The following UNC80 variants were observed in gnomAD, a reference collection of about 807,000 sequenced individuals.
The protein encoded by UNC80 is protein unc-80 homolog.
In UNC80, 164 loss-of-function variants were observed where a neutral mutation model predicts 384.6. The ratio of observed to expected loss-of-function variants is 0.43; its 90% CI spans 0.38 to 0.49. The LOEUF is 0.49. Among genes scored for constraint, UNC80 ranks in the 20% least tolerant of loss-of-function variants. The pLI, the probability that UNC80 is intolerant of heterozygous loss-of-function variation, is 0.00. For missense variants in UNC80, 3,330 were observed against 4,143.0 expected, an observed-to-expected ratio of 0.80 and a Z score of 5.39; for synonymous variants, 1,486 against 1,527.8, an observed-to-expected ratio of 0.97 and a Z score of 0.64.
At chr2:209,775,184 T>G (rs1418197810) in intron 2 of UNC80, among the ~76,000 whole-genome samples, 2 of 152,186 alleles carry the variant, frequency 1.3e-5, no homozygotes, top group African/African-American at 4.8e-5. Flanking sequence ...TTGTTACTTG[T>G]TCCGGAGTGC....
At position 209,881,241 on chromosome 2, in the gene UNC80, A is replaced by G. The variant is rs989274629; in HGVS notation, c.4110+147A>G. 4.4e-6 allele frequency: 4 copies of G among 914,934 alleles called. No individual in the cohort carries two copies. The South Asian group carries it at 6.2e-5, about 14-fold the overall frequency. 56.7% of individuals were successfully genotyped at this position (914,934 alleles called of 1,614,324 possible). On this transcript the variant is annotated intron_variant, in intron 25 of 64. Coordinates refer to ENST00000673920, the MANE Select transcript of UNC80 (RefSeq NM_001371986.1). ...ATTCAACCAAGGGATTTTGAAACATAAAAAGAAATGCTCTTTTCCTCATTA... is the reference window on the plus strand; with the variant it reads ...ATTCAACCAAGGGATTTTGAAACATGAAAAGAAATGCTCTTTTCCTCATTA...
chr2:209,915,383 C>T (rs1229897699), intron 31 of UNC80, among the ~76,000 whole-genome samples: 4 of 130,472 alleles, frequency 3.1e-5, no homozygotes, highest in African/African-American at 9.0e-5. Context: ...CCAGCCTGGG[C>T]GACAGAGTGA....
chr2:209,815,891 A>G (rs1489077085), intron 9 of UNC80, among the ~76,000 whole-genome samples: 1 of 152,228 alleles, frequency 6.6e-6, no homozygotes, highest in African/African-American at 2.4e-5. Flanking sequence ...TTTTTCTGCC[A>G]TTACTCTGCC....
chr2:209,982,215 A>C lies in UNC80; in HGVS notation c.9155A>C (p.Gln3052Pro). ...AGCATGCCCAGCGTGGTAAGTGAAC[A>C]AGAAGCTTACCTCCTGAGTGCCATT... is the stretch of plus-strand genomic sequence containing the variant. ...SISMPSVVSE[Q>P]EAYLLSAIGR... The change falls in exon 60 of 65, where the codon CAA (glutamine) becomes CCA (proline). Residue 3052 changes from glutamine (Q) to proline (P), a missense_variant. Coordinates refer to ENST00000673920, the MANE Select transcript of UNC80 (RefSeq NM_001371986.1). The C allele has an allele frequency of 6.4e-7, 1 of 1,551,648 alleles. No individual in the cohort carries two copies. Among genetic ancestry groups the C allele is most frequent in the Non-Finnish European group, 8.7e-7 (1 of 1,146,954 alleles).
chr2:209,957,813 A>T, intron 49 of UNC80, 77 bp downstream of exon 49: 1 of 1,328,468 alleles, frequency 7.5e-7, no homozygotes, highest in Non-Finnish European at 1.1e-6. Flanking sequence ...GAATGAAAGG[A>T]ACCCTGAACA....
At chr2:209,884,080 A>G (rs2085552227) in intron 25 of UNC80, among the ~76,000 whole-genome samples, 1 of 152,202 alleles carries the variant, frequency 6.6e-6, no homozygotes, top group Non-Finnish European at 1.5e-5. Flanking sequence ...AATTATGTCT[A>G]AAGAAAGGGA....
chr2:209,942,652 C>G (rs1257118751), intron 44 of UNC80, among the ~76,000 whole-genome samples: 2 of 152,090 alleles, frequency 1.3e-5, no homozygotes, highest in Non-Finnish European at 2.9e-5. Flanking sequence ...GTTACTATCA[C>G]AGGACTCTCT....
At chr2:209,954,749 C>T (rs965304638) in intron 48 of UNC80, among the ~76,000 whole-genome samples, 14 of 152,154 alleles carry the variant, frequency 9.2e-5, no homozygotes, top group Middle Eastern at 3.4e-3. Context: ...AACTACATAA[C>T]CAATATAAAC....
chr2:209,779,391 A>G (rs1395104734), intron 4 of UNC80, among the ~76,000 whole-genome samples: 2 of 152,278 alleles, frequency 1.3e-5, no homozygotes, highest in African/African-American at 2.4e-5. Context: ...ATAGCCATGT[A>G]CTTGTCATTG....
chr2:209,931,019 C>T lies in UNC80; in HGVS notation c.5959C>T (p.Pro1987Ser), dbSNP rs553131169. Reference protein sequence around the residue: ...RKLLLNIGDFPAQTSHILFNY... With the variant: ...RKLLLNIGDFSAQTSHILFNY... ...ACTTCTCTTGAATATTGGAGACTTT[C>T]CTGCTCAGACATCTCACATCCTATT... Residue 1987 changes from proline to serine, a missense_variant, in exon 38 of 65, where the codon CCT becomes TCT. Transcript: ENST00000673920. 4.5e-6 allele frequency: 7 copies of T among 1,550,526 alleles called. No individual in the cohort carries two copies. The highest frequency in any genetic ancestry group is 5.2e-6 in the Non-Finnish European group (6 of 1,146,358).
At chr2:209,875,041 C>T (rs1482594544) in intron 23 of UNC80, among the ~76,000 whole-genome samples, 1 of 152,118 alleles carries the variant, frequency 6.6e-6, no homozygotes, top group East Asian at 1.9e-4. Context: ...GATGATTAAA[C>T]TTTTTTCCTA....
chr2:209,902,726 C>T, intron 28 of UNC80, among the ~76,000 whole-genome samples: 1 of 152,098 alleles, frequency 6.6e-6, no homozygotes, highest in Admixed American at 6.6e-5. Flanking sequence ...AAGGTATGTA[C>T]ATTGGTTTTT....
chr2:209,888,061 GC>G, intron 25 of UNC80, 33 bp from the exon 26 acceptor site: 1 of 1,548,662 alleles, frequency 6.5e-7, no homozygotes, highest in Non-Finnish European at 8.7e-7. Context: ...CTGGGGAGAT[GC>G]CAGCACTCAT....
chr2:209,784,473 C>G (rs2077315962), intron 4 of UNC80, among the ~76,000 whole-genome samples: 1 of 152,110 alleles, frequency 6.6e-6, no homozygotes, highest in African/African-American at 2.4e-5. Context: ...CTCACATTCA[C>G]TTGACTCTGG....
chr2:209,994,277 G>T lies in UNC80; in HGVS notation c.9708+13G>T, dbSNP rs1293568183. The T allele has an allele frequency of 1.9e-6, 3 of 1,543,194 alleles. No individual in the cohort carries two copies. The African/African-American group carries it at 4.1e-5, about 21-fold the overall frequency. Reference sequence around the variant, plus strand: ...GTCTCCCAAGCAGGTGAGGGCACTAGAGAAACAGGCAAGGCTTGCTCCCTG... The same window carrying T: ...GTCTCCCAAGCAGGTGAGGGCACTATAGAAACAGGCAAGGCTTGCTCCCTG... On this transcript the variant is annotated intron_variant, in intron 64 of 64. Transcript: ENST00000673920.
At chr2:209,915,886 T>A (rs944272310) in intron 31 of UNC80, among the ~76,000 whole-genome samples, 1 of 152,142 alleles carries the variant, frequency 6.6e-6, no homozygotes, top group Non-Finnish European at 1.5e-5. Context: ...ACTTGAAATG[T>A]TTCCAACACA....
intron 32 of UNC80, among the ~76,000 whole-genome samples, chr2:209,918,291 A>C (rs1036251508): frequency 3.9e-5 from 6 of 152,204 alleles, no homozygotes; most frequent in Non-Finnish European, 1.5e-5. Context: ...TGATAAACTC[A>C]AATAGAGATC....
At chr2:209,885,895 G>C (rs1000969143) in intron 25 of UNC80, among the ~76,000 whole-genome samples, 20 of 151,592 alleles carry the variant, frequency 1.3e-4, no homozygotes, top group Admixed American at 7.9e-4. Context: ...CTCCTGCATA[G>C]CTGGGACTAC....
rs2091610787 is a variant in UNC80 at position 209,941,227 on chromosome 2, A to G, written c.6653A>G (p.Lys2218Arg). The G allele has an allele frequency of 6.6e-7, 1 of 1,507,452 alleles. No individual in the cohort carries two copies. Among genetic ancestry groups the G allele is most frequent in the Non-Finnish European group, 9.0e-7 (1 of 1,117,106 alleles). The allele number at this position is 1,507,452 out of a possible 1,614,324, so 93.4% of individuals were successfully genotyped here. A position where few individuals can be genotyped will look rare whatever the true frequency, so the allele number is the denominator to read the frequency against. The stretch of plus-strand genomic sequence containing the variant: ...CTGTTTCATGTTCTCACAGCTGGAA[A>G]GGAACTGTTTGGCCTCGACACTCTT... The part of the protein sequence containing the change: ...FSLFSDPQAG[K>R]ELFGLDTLQK... The change falls in exon 44 of 65, where the codon AAG (lysine) becomes AGG (arginine). Residue 2218 changes from lysine (K) to arginine (R), a missense_variant. Coordinates refer to ENST00000673920, the MANE Select transcript of UNC80 (RefSeq NM_001371986.1).
Sources: allele counts gnomAD v4.1 joint callset (sites outside exome capture counted in the v4.1 genomes callset), GRCh38; gene constraint gnomAD v4.1.1; transcripts MANE v1.5; gene names NCBI Gene and HGNC (gene_info 2026-07-23, HGNC 2026-07-21).